The following KCNH8 variants were observed in gnomAD, a reference collection of about 807,000 sequenced individuals.
The protein encoded by KCNH8 is potassium voltage-gated channel subfamily H member 8, also known as voltage-gated delayed rectifier potassium channel KCNH8.
A neutral mutation model predicts 103.6 loss-of-function variants in KCNH8; 70 were observed. The ratio of observed to expected loss-of-function variants is 0.68; its 90% CI spans 0.56 to 0.82. The LOEUF is 0.82. Ranked by LOEUF, KCNH8 falls within the 40% of genes least tolerant of loss-of-function variation. The pLI is 0.00. For synonymous variants in KCNH8, 498 were observed against 489.4 expected, an observed-to-expected ratio of 1.02 and a Z score of -0.23; for missense variants, 1,217 against 1,329.9, an observed-to-expected ratio of 0.92 and a Z score of 1.32.
At chr3:19,497,184 T>C (rs570999970) in intron 11 of KCNH8, among the ~76,000 whole-genome samples, 1 of 151,958 alleles carries the variant, frequency 6.6e-6, no homozygotes, top group Non-Finnish European at 1.5e-5. Context: ...GTATTAATTT[T>C]TTAAAAACCA....
At chr3:19,245,461 G>A (rs1474900002) in intron 1 of KCNH8, among the ~76,000 whole-genome samples, 2 of 152,046 alleles carry the variant, frequency 1.3e-5, no homozygotes, top group African/African-American at 4.8e-5. Flanking sequence ...GTTTCCATAC[G>A]AATTTTAGAA....
intron 5 of KCNH8, among the ~76,000 whole-genome samples, chr3:19,367,077 T>C (rs940556342): frequency 6.6e-5 from 10 of 152,058 alleles, no homozygotes; most frequent in African/African-American, 2.2e-4. Flanking sequence ...TGCTCCTCCT[T>C]CTTGTGGCTC....
chr3:19,301,006 T>C (rs1483329522), intron 3 of KCNH8, among the ~76,000 whole-genome samples: 2 of 151,794 alleles, frequency 1.3e-5, no homozygotes, highest in African/African-American at 2.4e-5. Flanking sequence ...TTACAAGATA[T>C]TCTTCTAAGT....
intron 1 of KCNH8, among the ~76,000 whole-genome samples, chr3:19,217,531 A>G (rs1192756038): frequency 6.6e-6 from 1 of 152,202 alleles, no homozygotes; most frequent in Non-Finnish European, 1.5e-5. Flanking sequence ...ATATTTACAG[A>G]GTGCCAAGCA....
intron 11 of KCNH8, among the ~76,000 whole-genome samples, chr3:19,500,783 G>C (rs1026432470): frequency 2.6e-5 from 4 of 152,104 alleles, no homozygotes; most frequent in Non-Finnish European, 4.4e-5. Flanking sequence ...TCAAAGTTGT[G>C]TGTAGAGGGA....
chr3:19,163,874 A>T (rs1252905300), intron 1 of KCNH8, among the ~76,000 whole-genome samples: 1 of 152,198 alleles, frequency 6.6e-6, no homozygotes, highest in Non-Finnish European at 1.5e-5. Flanking sequence ...CTTTCTTATT[A>T]ACATTTTCTT....
intron 5 of KCNH8, among the ~76,000 whole-genome samples, chr3:19,373,100 T>G (rs2066128752): frequency 6.6e-6 from 1 of 151,992 alleles, no homozygotes; most frequent in Non-Finnish European, 1.5e-5. Context: ...TGCCCGGCTT[T>G]GGTATCAGAA....
At chr3:19,330,539 A>C (rs375824489) in intron 3 of KCNH8, among the ~76,000 whole-genome samples, 3 of 152,342 alleles carry the variant, frequency 2.0e-5, no homozygotes, top group East Asian at 3.9e-4. Flanking sequence ...GTTGAATTGA[A>C]GTTATTTTAA....
intron 15 of KCNH8, among the ~76,000 whole-genome samples, chr3:19,526,116 A>G (rs752605071): frequency 3.3e-5 from 5 of 151,958 alleles, no homozygotes; most frequent in Non-Finnish European, 5.9e-5. Context: ...GTAAAAATGT[A>G]TATGTATTAG....
chr3:19,178,695 TAGGG>T (rs1300955062), intron 1 of KCNH8, among the ~76,000 whole-genome samples: 1 of 152,088 alleles, frequency 6.6e-6, no homozygotes, highest in African/African-American at 2.4e-5. Context: ...AAGACAAACA[TAGGG>T]AGGCAAATTT....
At chr3:19,492,884 T>TGA (rs2068357220) in intron 11 of KCNH8, among the ~76,000 whole-genome samples, 5 of 108,580 alleles carry the variant, frequency 4.6e-5, no homozygotes, top group African/African-American at 1.8e-4. Context: ...TGTGTGTGTG[T>TGA]GATTTCTGAC....
At chr3:19,187,175 T>C (rs1448486384) in intron 1 of KCNH8, among the ~76,000 whole-genome samples, 1 of 151,950 alleles carries the variant, frequency 6.6e-6, no homozygotes, top group Non-Finnish European at 1.5e-5. Flanking sequence ...CAAAGCAAAT[T>C]TGATTAACAT....
intron 11 of KCNH8, among the ~76,000 whole-genome samples, chr3:19,482,904 A>C (rs1218782509): frequency 1.3e-5 from 2 of 152,182 alleles, no homozygotes; most frequent in African/African-American, 4.8e-5. Context: ...CGGTTTTATT[A>C]GTGATTATTT....
chr3:19,471,351 G>C (rs370506072), intron 11 of KCNH8, among the ~76,000 whole-genome samples: 1 of 152,198 alleles, frequency 6.6e-6, no homozygotes, highest in South Asian at 2.1e-4. Flanking sequence ...CCTGCTCTAC[G>C]GTTACTTGGC....
intron 2 of KCNH8, among the ~76,000 whole-genome samples, chr3:19,258,128 G>T (rs1008954532): frequency 6.6e-6 from 1 of 151,912 alleles, no homozygotes; most frequent in African/African-American, 2.4e-5. Context: ...CTTCAAAAAA[G>T]GTCCCATTTT....
At chr3:19,322,362 G>A (rs1418822006) in intron 3 of KCNH8, among the ~76,000 whole-genome samples, 2 of 152,136 alleles carry the variant, frequency 1.3e-5, no homozygotes, top group Non-Finnish European at 2.9e-5. Flanking sequence ...CCTTTTAGGA[G>A]TTCTTGTAGT....
In KCNH8 at chr3:19,190,717, A is replaced by G. The variant is rs113168335; in HGVS notation, c.76+41922A>G. Among the ~76,000 whole-genome samples, 384 of 152,072 alleles carry G rather than the reference A, an allele frequency of 2.5e-3. 4 individuals carry two copies. The highest frequency in any genetic ancestry group is 8.4e-3 in the African/African-American group (349 of 41,544). ...TACTGAAGCAACAAGTGCGATTGAT[A>G]ATGTTGCAATAAGTTTGCTTTCACA... On this transcript the variant is annotated intron_variant, in intron 1 of 15. Transcript: ENST00000328405.
At chr3:19,509,253 C>G (rs1326953928) in intron 11 of KCNH8, among the ~76,000 whole-genome samples, 2 of 152,050 alleles carry the variant, frequency 1.3e-5, no homozygotes, top group Non-Finnish European at 2.9e-5. Context: ...CAATAATGAT[C>G]CTGGCATTTG....
At chr3:19,366,271 T>G (rs1305837223) in intron 5 of KCNH8, among the ~76,000 whole-genome samples, 1 of 152,104 alleles carries the variant, frequency 6.6e-6, no homozygotes, top group Non-Finnish European at 1.5e-5. Flanking sequence ...TTCCTTAGGT[T>G]TAATGCCACA....
Sources: allele counts gnomAD v4.1 joint callset (sites outside exome capture counted in the v4.1 genomes callset), GRCh38; gene constraint gnomAD v4.1.1; transcripts MANE v1.5; gene names NCBI Gene and HGNC (gene_info 2026-07-23, HGNC 2026-07-21).